The following ABCA13 variants were observed in gnomAD, a reference collection of about 807,000 sequenced individuals.
ABCA13 encodes the protein ATP-binding cassette sub-family A member 13.
Under a neutral mutation model 478.7 loss-of-function variants are expected in ABCA13, and 476 were observed. The ratio of observed to expected loss-of-function variants is 0.99; its 90% CI spans 0.92 to 1.07. The LOEUF is 1.07. ABCA13 is among the 50% of genes least tolerant of loss of function. ABCA13 has a pLI of 0.00. For synonymous variants in ABCA13, 2,252 were observed against 2,158.9 expected (o/e 1.04, Z -1.20); for missense variants, 6,060 against 5,910.6 (o/e 1.03, Z -0.83).
intron 42 of ABCA13, among the ~76,000 whole-genome samples, chr7:48,442,896 G>A (rs530997995): frequency 4.1e-4 from 63 of 152,294 alleles, no homozygotes; most frequent in African/African-American, 1.4e-3. Flanking sequence ...CTAGCTGTGC[G>A]CTGGTGGTAC....
chr7:48,407,709 A>T (rs1456242108), intron 39 of ABCA13, among the ~76,000 whole-genome samples: 1 of 151,956 alleles, frequency 6.6e-6, no homozygotes, highest in East Asian at 2.0e-4. Flanking sequence ...GGTGTGCACC[A>T]CCAAGCCCAG....
rs531509751 is a variant in ABCA13, at chr7:48,400,082, C to A, written c.11874-3601C>A. Among the ~76,000 whole-genome samples the A allele has an allele frequency of 1.6e-4, 25 of 152,028 alleles. No homozygotes were observed. The South Asian group carries it at 3.3e-3, about 20-fold the overall frequency. ...TTCTGGAACACACTGTTCAAGCATC[C>A]CCACTTCACTTACTCTCACTACCCA... On this transcript the variant is annotated intron_variant, in intron 38 of 61. Transcript: ENST00000435803.
chr7:48,283,288 A>G (rs961601365), intron 19 of ABCA13, among the ~76,000 whole-genome samples: 1 of 152,142 alleles, frequency 6.6e-6, no homozygotes, highest in Non-Finnish European at 1.5e-5. Flanking sequence ...TGGAGGAGAA[A>G]TGAGCCTTGG....
Position 48,272,293 on chromosome 7 carries a change from T to G in ABCA13, c.2627T>G (p.Leu876Trp). The G allele has an allele frequency of 6.2e-7, 1 of 1,613,770 alleles. No individual in the cohort carries two copies. The highest frequency in any genetic ancestry group is 8.5e-7 in the Non-Finnish European group (1 of 1,179,740). ...AGTACAAGTTTTAACTTTTCCCAGT[T>G]GTTCCATTCAGATTGGCCTAAATCA... is the stretch of plus-strand genomic sequence containing the variant. ...ILSTSFNFSQ[L>W]FHSDWPKSPA... Residue 876 changes from leucine to tryptophan, a missense_variant, in exon 17 of 62, where the codon TTG (leucine) becomes TGG (tryptophan). Coordinates refer to ENST00000435803, the MANE Select transcript of ABCA13 (RefSeq NM_152701.5).
intron 12 of ABCA13, 104 bp downstream of exon 12, chr7:48,245,716 AAG>A (rs368836575): frequency 0.013 from 18,221 of 1,445,256 alleles, 146 homozygotes; most frequent in Non-Finnish European, 0.016. Context: ...CTAGCTAAAA[AAG>A]GGAACAATAT....
chr7:48,573,719 G>A (rs568077869), intron 55 of ABCA13, among the ~76,000 whole-genome samples: 1 of 152,098 alleles, frequency 6.6e-6, no homozygotes, highest in Non-Finnish European at 1.5e-5. Flanking sequence ...CAGCTACAGA[G>A]TGAGACTCCA....
intron 42 of ABCA13, among the ~76,000 whole-genome samples, chr7:48,434,044 G>T (rs1443568550): frequency 6.6e-6 from 1 of 151,906 alleles, no homozygotes; most frequent in African/African-American, 2.4e-5. Context: ...ACAAGAAATG[G>T]AATTACTGGA....
At chr7:48,368,712 T>TAC (rs1424024016) in intron 32 of ABCA13, among the ~76,000 whole-genome samples, 7 of 129,104 alleles carry the variant, frequency 5.4e-5, no homozygotes, top group African/African-American at 1.7e-4. Context: ...TATATATATA[T>TAC]ATACACATAC....
intron 53 of ABCA13, among the ~76,000 whole-genome samples, chr7:48,521,535 T>C (rs1397841398): frequency 6.6e-6 from 1 of 152,170 alleles, no homozygotes; most frequent in Non-Finnish European, 1.5e-5. Flanking sequence ...TTCCAATAGC[T>C]GACTGAACCT....
In ABCA13 at chr7:48,511,179, C is replaced by T. The variant is rs760747029; in HGVS notation, c.13620C>T (p.Ala4540=). 1 of 1,612,050 alleles carries T rather than the reference C, an allele frequency of 6.2e-7. No homozygotes were observed. Among genetic ancestry groups the T allele is most frequent in the South Asian group, 1.1e-5 (1 of 90,640 alleles). The change falls in exon 51 of 62, where the codon GCC becomes GCT. Residue 4540 remains alanine (A), a synonymous_variant. Transcript: ENST00000435803. The stretch of plus-strand genomic sequence containing the variant: ...TCCGCAAGAACTTGGCAGCCACGGC[C>T]CTCCTGCTGTCACTTTTCGGGTATG... The part of the protein sequence containing the change: ...FTFRKNLAAT[A]LLLSLFGYAT...
In ABCA13 at chr7:48,293,200, C is replaced by CA. The variant is rs1428133931; in HGVS notation, c.8956-2500_8956-2499insA. ...TTCCTGAGAAGTCTTCAGCCCCCCC[C>CA]CCGCCACACACACACTAAATCTACC... On this transcript the variant is annotated intron_variant, in intron 20 of 61. Transcript: ENST00000435803. Among the ~76,000 whole-genome samples the CA allele has an allele frequency of 3.7e-5, 5 of 136,636 alleles. 1 individual carries two copies. The highest frequency in any genetic ancestry group is 6.7e-5 in the Non-Finnish European group (4 of 60,004). The allele number at this position is 136,636 out of a possible 152,430, so 89.6% of individuals were successfully genotyped here.
At chr7:48,594,126 T>A (rs992942867) in intron 57 of ABCA13, among the ~76,000 whole-genome samples, 16 of 152,142 alleles carry the variant, frequency 1.1e-4, no homozygotes, top group African/African-American at 3.6e-4. Context: ...TTTCAGCCAT[T>A]ATTTATTTAA....
At chr7:48,259,854 C>G (rs1037196722) in intron 15 of ABCA13, among the ~76,000 whole-genome samples, 1 of 151,942 alleles carries the variant, frequency 6.6e-6, no homozygotes, top group African/African-American at 2.4e-5. Flanking sequence ...CTTATTTCTC[C>G]TTTGTGCGTG....
chr7:48,295,888 C>T, intron 21 of ABCA13, 25 bp downstream of exon 21: 1 of 1,576,668 alleles, frequency 6.3e-7, no homozygotes, highest in East Asian at 2.2e-5. Flanking sequence ...TCTTTCATGC[C>T]CTCCCCAGTA....
chr7:48,586,904 T>G (rs7789709), intron 56 of ABCA13, among the ~76,000 whole-genome samples: 109,847 of 152,044 alleles, frequency 0.72, 40,737 homozygotes, highest in African/African-American at 0.89. Context: ...TGCCCACCCT[T>G]CTCCCTGAAC....
chr7:48,288,956 C>T (rs961022199), intron 20 of ABCA13, among the ~76,000 whole-genome samples: 2 of 152,160 alleles, frequency 1.3e-5, no homozygotes, highest in African/African-American at 4.8e-5. Context: ...GCAGTGAAGA[C>T]CTGTCTCTCT....
At chr7:48,386,122 G>C (rs1815149969) in intron 35 of ABCA13, among the ~76,000 whole-genome samples, 2 of 152,110 alleles carry the variant, frequency 1.3e-5, no homozygotes, top group Non-Finnish European at 1.5e-5. Context: ...AGTTAAATCA[G>C]TAACAAACTT....
At chr7:48,473,885 A>G (rs567465290) in intron 45 of ABCA13, among the ~76,000 whole-genome samples, 29 of 152,328 alleles carry the variant, frequency 1.9e-4, no homozygotes, top group African/African-American at 7.0e-4. Flanking sequence ...GACGAAAGAT[A>G]CACATGTAAG....
intron 6 of ABCA13, among the ~76,000 whole-genome samples, chr7:48,228,972 A>C (rs1352253535): frequency 6.6e-6 from 1 of 152,174 alleles, no homozygotes; most frequent in African/African-American, 2.4e-5. Context: ...GTGGCATGAT[A>C]TCAAGAAAAT....
Sources: gnomAD v4.1 joint callset for allele counts (sites outside exome capture counted in the v4.1 genomes callset) on GRCh38, gnomAD v4.1.1 for gene constraint, MANE v1.5 for transcripts, NCBI Gene and HGNC (gene_info 2026-07-23, HGNC 2026-07-21) for gene names.